KIF5B: variants seen among roughly 807,000 people sequenced by gnomAD.
KIF5B encodes kinesin family member 5B.
Under a neutral mutation model 132.8 loss-of-function variants are expected in KIF5B, and 49 were observed. That is an observed-to-expected ratio of 0.37 (90% CI 0.29 to 0.47). The LOEUF (loss-of-function observed/expected upper bound fraction) is 0.47, where lower values mean the gene tolerates loss of function less well. KIF5B is among the 20% of genes least tolerant of loss of function. The probability of loss-of-function intolerance (pLI) is 1.00; values close to 1 mark genes in which losing one functional copy is unlikely to be tolerated. For synonymous variants in KIF5B, 355 were observed against 369.4 expected (o/e 0.96, Z 0.45); for missense variants, 780 against 1,144.0 (o/e 0.68, Z 4.59).
chr10:32,038,393 C>T (rs1052047729), intron 5 of KIF5B, among the ~76,000 whole-genome samples, 175 bp from the exon 6 acceptor site: 7 of 152,092 alleles, frequency 4.6e-5, no homozygotes, highest in African/African-American at 1.7e-4. Context: ...AAATAGAAAC[C>T]AATGCAACAA....
Position 32,011,230 on chromosome 10 carries a change from C to T in KIF5B, c.*307G>A, listed in dbSNP as rs1239164884. The T allele has an allele frequency of 6.6e-6, 1 of 152,484 alleles. No homozygotes were observed. The highest frequency in any genetic ancestry group is 2.4e-5 in the African/African-American group (1 of 41,414). 9.4% of individuals were successfully genotyped at this position (152,484 alleles called of 1,614,324 possible). On this transcript the variant is annotated 3_prime_UTR_variant, in exon 26 of 26. Transcript: ENST00000302418. ...CCTATAAGGTACAGTTAGCTTGGCA[C>T]AGTAAAGACTAAATTTAAGACACGA...
chr10:32,038,215 G>A lies in KIF5B; in HGVS notation c.446C>T (p.Ser149Leu). ...LDKIRDLLDV[S>L]KTNLSVHEDK... is the part of the protein sequence containing the mutation. ...TTCATGAACTGAAAGGTTGGTCTTT[G>A]AAACTGAGAAAGAAAAACAAATGTT... The change falls in exon 6 of 26, where the codon TCA (serine) becomes TTA (leucine). Residue 149 changes from serine (S) to leucine (L), a missense_variant. Coordinates refer to ENST00000302418, the MANE Select transcript of KIF5B (RefSeq NM_004521.3). 1 of 1,603,444 alleles carries A rather than the reference G, an allele frequency of 6.2e-7. No homozygotes were observed. Among genetic ancestry groups the A allele is most frequent in the South Asian group, 1.1e-5 (1 of 90,610 alleles).
chr10:32,035,430 T>C (rs1018684248), intron 10 of KIF5B, 92 bp downstream of exon 10: 17 of 1,074,800 alleles, frequency 1.6e-5, no homozygotes, highest in Admixed American at 2.3e-5. Context: ...CAAAACAGTA[T>C]GTACAGGTTG....
intron 25 of KIF5B, among the ~76,000 whole-genome samples, chr10:32,012,614 T>A (rs992540844): frequency 6.6e-6 from 1 of 152,312 alleles, no homozygotes; most frequent in Middle Eastern, 3.4e-3. Flanking sequence ...AACTTTCAAG[T>A]CTTGAAAACC....
chr10:32,051,278 C>T (rs1392116343), intron 1 of KIF5B, among the ~76,000 whole-genome samples: 1 of 152,158 alleles, frequency 6.6e-6, no homozygotes, highest in Non-Finnish European at 1.5e-5. Context: ...AGGCTGGTCT[C>T]AAACTCCTGA....
intron 2 of KIF5B, among the ~76,000 whole-genome samples, chr10:32,044,077 T>C (rs575849339): frequency 1.3e-5 from 2 of 152,314 alleles, no homozygotes; most frequent in African/African-American, 4.8e-5. Context: ...TCCTTAAATA[T>C]GTGTATTTAT....
chr10:32,011,607 T>C (rs570554357), intron 25 of KIF5B, 91 bp from the exon 26 acceptor site: 2 of 152,304 alleles, frequency 1.3e-5, no homozygotes, highest in Admixed American at 1.3e-4. Flanking sequence ...AAATAAAATA[T>C]GCCAACAGTT....
At chr10:32,017,070 C>A in intron 24 of KIF5B, 73 bp downstream of exon 24, 1 of 1,234,264 alleles carries the variant, frequency 8.1e-7, no homozygotes, top group South Asian at 1.2e-5. Context: ...ACATAAAATT[C>A]GGATTACGTT....
chr10:32,015,591 C>T lies in KIF5B; in HGVS notation c.2830G>A (p.Gly944Ser), dbSNP rs1321545237. The part of the protein sequence containing the change: ...PTHPSAIRGG[G>S]AFVQNSQPVA... ...GGCTGGCTGTTCTGAACAAATGCAC[C>T]TCCTCCACGAATTGCACTTGGGTGA... Residue 944 changes from glycine to serine, a missense_variant, in exon 25 of 26, where the codon GGT becomes AGT. By Grantham distance (56) the Gly-to-Ser change is moderately conservative. Coordinates refer to ENST00000302418, the MANE Select transcript of KIF5B (RefSeq NM_004521.3). 6.2e-7 allele frequency: 1 copy of T among 1,613,902 alleles called. No homozygotes were observed. The highest frequency in any genetic ancestry group is 8.5e-7 in the Non-Finnish European group (1 of 1,179,826).
chr10:32,032,794 G>A lies in KIF5B; in HGVS notation c.1306-20C>T, dbSNP rs369057966. On this transcript the variant is annotated intron_variant, in intron 12 of 25. Transcript: ENST00000302418. ...TTCATCCTAGAATTGTGAAGTATCC[G>A]GTTAACCAGTAGCTAACAACCTGGT... 447 of 1,601,200 alleles carry A rather than the reference G, an allele frequency of 2.8e-4. No homozygotes were observed. Among genetic ancestry groups the A allele is most frequent in the Non-Finnish European group, 3.6e-4 (425 of 1,168,330 alleles).
Position 32,056,110 on chromosome 10 carries a change from G to A in KIF5B, c.-137C>T. 2.8e-6 allele frequency: 3 copies of A among 1,076,658 alleles called. No homozygotes were observed. The highest frequency in any genetic ancestry group is 1.7e-5 in the African/African-American group (1 of 60,398). The allele number at this position is 1,076,658 out of a possible 1,614,324, so 66.7% of individuals were successfully genotyped here. ...CAGCTGCGCCGCGCTGCGCTTCCCC[G>A]GGTGGAGGCGGCCGGGGAGCCGGGA... On this transcript the variant is annotated 5_prime_UTR_variant, in exon 1 of 26. Coordinates refer to ENST00000302418, the MANE Select transcript of KIF5B (RefSeq NM_004521.3).
intron 2 of KIF5B, among the ~76,000 whole-genome samples, chr10:32,040,712 G>A (rs1841523695): frequency 6.6e-6 from 1 of 151,734 alleles, no homozygotes; most frequent in South Asian, 2.1e-4. Flanking sequence ...TTGTGGGAGT[G>A]GCTGGGTGCG....
At chr10:32,018,479 G>GT (rs771988677) in intron 21 of KIF5B, 23 bp downstream of exon 21, 1 of 1,604,638 alleles carries the variant, frequency 6.2e-7, no homozygotes, top group Admixed American at 1.7e-5. Context: ...TCCCAATCCT[G>GT]TTTATTTTCA....
rs200026874 is a variant in KIF5B, at chr10:32,023,891, G to GA, written c.1726-856dup. 3.0e-3 allele frequency among the ~76,000 whole-genome samples: 444 copies of GA among 149,562 alleles called. 4 individuals carry two copies. Among genetic ancestry groups the GA allele is most frequent in the Middle Eastern group, 0.017 (5 of 288 alleles). ...TAGATCTAAATGTAAATGCAAAACT[G>GA]AAAAAAAAACTTTTAACACAGGAGA... On this transcript the variant is annotated intron_variant, in intron 15 of 25. Coordinates refer to ENST00000302418, the MANE Select transcript of KIF5B (RefSeq NM_004521.3).
At chr10:32,020,411 G>A (rs1309163573) in intron 19 of KIF5B, among the ~76,000 whole-genome samples, 1 of 151,074 alleles carries the variant, frequency 6.6e-6, no homozygotes, top group African/African-American at 2.4e-5. Flanking sequence ...AAAATCCATA[G>A]AATTTCCAGA....
intron 11 of KIF5B, among the ~76,000 whole-genome samples, chr10:32,034,391 C>T (rs999891264): frequency 1.3e-5 from 2 of 152,154 alleles, no homozygotes; most frequent in Non-Finnish European, 2.9e-5. Context: ...GGATTACAGG[C>T]ATGAGCCAGT....
chr10:32,016,796 A>AG (rs1381320562), intron 24 of KIF5B, among the ~76,000 whole-genome samples: 1 of 152,194 alleles, frequency 6.6e-6, no homozygotes, highest in Admixed American at 6.5e-5. Flanking sequence ...TCGACCTCCC[A>AG]AAGTGTTGGG....
At chr10:32,046,371 G>C (rs1841611171) in intron 2 of KIF5B, among the ~76,000 whole-genome samples, 2 of 152,066 alleles carry the variant, frequency 1.3e-5, no homozygotes, top group African/African-American at 4.8e-5. Context: ...TGATGACCCT[G>C]TTCCTCTTTG....
chr10:32,033,929 A>G lies in KIF5B; in HGVS notation c.1221T>C (p.Ile407=). The G allele has an allele frequency of 1.9e-6, 3 of 1,613,088 alleles. No individual in the cohort carries two copies. Among genetic ancestry groups the G allele is most frequent in the Non-Finnish European group, 2.5e-6 (3 of 1,179,298 alleles). The stretch of plus-strand genomic sequence containing the variant: ...CATCAGTAAAATTTCCTATAACTCC[A>G]ATTGCGGTTGCTGGTTTATCATTGG... ...TLTNDKPATA[I]GVIGNFTDAE... Residue 407 remains isoleucine, a synonymous_variant, in exon 12 of 26, where the codon ATT becomes ATC. Transcript: ENST00000302418.
Sources: allele counts gnomAD v4.1 joint callset (sites outside exome capture counted in the v4.1 genomes callset), GRCh38; gene constraint gnomAD v4.1.1; transcripts MANE v1.5; gene names NCBI Gene and HGNC (gene_info 2026-07-23, HGNC 2026-07-21).